MPP7: variants seen among roughly 807,000 people sequenced by gnomAD.
The protein encoded by MPP7 is MAGUK p55 subfamily member 7.
A neutral mutation model predicts 76.5 loss-of-function variants in MPP7; 60 were observed. The observed-to-expected ratio is 0.78, with a 90% confidence interval of 0.64 to 0.97. MPP7 has a LOEUF of 0.97. MPP7 is among the 50% of genes least tolerant of loss of function. MPP7 has a pLI of 0.00. For synonymous variants in MPP7, 237 were observed against 244.5 expected, an observed-to-expected ratio of 0.97 and a Z score of 0.29; for missense variants, 641 against 694.0, an observed-to-expected ratio of 0.92 and a Z score of 0.86.
Position 28,120,334 on chromosome 10 carries a change from A to C in MPP7, c.747T>G (p.Cys249Trp). The C allele has an allele frequency of 6.2e-7, 1 of 1,614,056 alleles. No homozygotes were observed. Among genetic ancestry groups the C allele is most frequent in the African/African-American group, 1.3e-5 (1 of 75,044 alleles). The change falls in exon 10 of 17, where the codon TGT becomes TGG. Residue 249 changes from cysteine (C) to tryptophan (W), a missense_variant. Physicochemically the swap from Cys to Trp is radical, Grantham distance 215. Coordinates refer to ENST00000683449, the MANE Select transcript of MPP7 (RefSeq NM_001318170.2). ...TTTTGAAAGAAAGCCCAGCTTCCTT[A>C]CATGGAATTGCCTTATCCTCATTAG... ...YNPNEDKAIP[C>W]KEAGLSFKKG...
intron 1 of MPP7, among the ~76,000 whole-genome samples, chr10:28,244,851 C>T (rs370683053): frequency 1.3e-5 from 2 of 152,130 alleles, no homozygotes; most frequent in South Asian, 4.1e-4. Context: ...ACAACCGCCC[C>T]TTCTCTGCAA....
intron 2 of MPP7, among the ~76,000 whole-genome samples, chr10:28,210,507 CA>C (rs1228280378): frequency 6.6e-6 from 1 of 151,986 alleles, no homozygotes; most frequent in East Asian, 1.9e-4. Flanking sequence ...AAGAGAAGGT[CA>C]AGATAGATTG....
chr10:28,208,572 C>T (rs906393712), intron 2 of MPP7, among the ~76,000 whole-genome samples: 1 of 151,988 alleles, frequency 6.6e-6, no homozygotes, highest in Admixed American at 6.6e-5. Flanking sequence ...TGTTAGAAAT[C>T]CTATGAAAGG....
At position 28,057,792 on chromosome 10, in the gene MPP7, C is replaced by T. The variant is rs1394549167; in HGVS notation, c.1407+703G>A. The T allele has an allele frequency of 3.9e-6, 5 of 1,286,948 alleles. No individual in the cohort carries two copies. In the Admixed American group the frequency reaches 1.2e-4, roughly 30 times the overall value. The allele number at this position is 1,286,948 out of a possible 1,614,324, so 79.7% of individuals were successfully genotyped here. ...AAAGGGCTTCCGCAGGTCATTCTAG[C>T]ATTTGGAGGTTTTGCACCCCAGGGT... is the stretch of plus-strand genomic sequence containing the variant. On this transcript the variant is annotated intron_variant, in intron 15 of 16. Transcript: ENST00000683449.
intron 1 of MPP7, among the ~76,000 whole-genome samples, chr10:28,241,562 G>A (rs1395164042): frequency 6.6e-6 from 1 of 152,068 alleles, no homozygotes; most frequent in Non-Finnish European, 1.5e-5. Flanking sequence ...AAAATGCTTT[G>A]GAATTTGTCG....
At chr10:28,302,642 G>GAGGCGGCCCCGCCCC (rs1355840841) in intron 1 of MPP7, among the ~76,000 whole-genome samples, 28 of 152,030 alleles carry the variant, frequency 1.8e-4, no homozygotes, top group African/African-American at 6.8e-4. Flanking sequence ...GGTCCCGCCC[G>GAGGCGGCCCCGCCCC]AGGCGGCCCC....
intron 2 of MPP7, among the ~76,000 whole-genome samples, chr10:28,210,339 A>AAC (rs796731195): frequency 1.6e-4 from 24 of 152,318 alleles, no homozygotes; most frequent in African/African-American, 5.8e-4. Context: ...GCACCAACCT[A>AAC]ATATATACCT....
chr10:28,075,998 C>G lies in MPP7; in HGVS notation c.1124-6146G>C, dbSNP rs182521634. On this transcript the variant is annotated intron_variant, in intron 12 of 16. Coordinates refer to ENST00000683449, the MANE Select transcript of MPP7 (RefSeq NM_001318170.2). ...GCAGGTGAAACTTTGTTGAATGAAC[C>G]AAAGGAGTGTGAGAGAAAGTTAAAA... Among the ~76,000 whole-genome samples the G allele has an allele frequency of 8.5e-5, 13 of 152,200 alleles. No homozygotes were observed. In the East Asian group the frequency reaches 2.5e-3, roughly 29 times the overall value.
At chr10:28,333,442 G>A (rs1032462120) in intron 1 of MPP7, among the ~76,000 whole-genome samples, 47 of 152,192 alleles carry the variant, frequency 3.1e-4, no homozygotes, top group Non-Finnish European at 5.4e-4. Flanking sequence ...ACTGCGCCTG[G>A]CCGCTATTCT....
At chr10:28,312,075 C>T (rs990933778) in intron 2 of MPP7, among the ~76,000 whole-genome samples, 3 of 152,052 alleles carry the variant, frequency 2.0e-5, no homozygotes, top group Admixed American at 6.5e-5. Context: ...GGCACGGACA[C>T]AAAGAGTGAG....
At chr10:28,310,764 G>A (rs1040422373) in intron 2 of MPP7, among the ~76,000 whole-genome samples, 1 of 152,094 alleles carries the variant, frequency 6.6e-6, no homozygotes, top group Non-Finnish European at 1.5e-5. Context: ...AGGACCCTCA[G>A]GTATTTTTGG....
chr10:28,181,921 T>C (rs1837071818), intron 3 of MPP7, among the ~76,000 whole-genome samples: 1 of 152,196 alleles, frequency 6.6e-6, no homozygotes. Context: ...CTCCGACTCA[T>C]ACATGCTTTC....
intron 3 of MPP7, among the ~76,000 whole-genome samples, chr10:28,173,312 C>A (rs545378925): frequency 3.3e-5 from 5 of 151,830 alleles, no homozygotes; most frequent in African/African-American, 1.2e-4. Context: ...TACGGATTAT[C>A]CATTATCACG....
At chr10:28,118,788 GGCTATAT>G (rs1172219568) in intron 11 of MPP7, 1 of 985,332 alleles carries the variant, frequency 1.0e-6, no homozygotes, top group South Asian at 4.7e-5. Context: ...GTGATTCCTG[GGCTATAT>G]GCTTCTGCAA....
chr10:28,283,033 T>C (rs976995725), intron 1 of MPP7, among the ~76,000 whole-genome samples: 15 of 152,030 alleles, frequency 9.9e-5, no homozygotes, highest in African/African-American at 3.6e-4. Flanking sequence ...TTCATAACAA[T>C]GTCATGCCTG....
intron 2 of MPP7, among the ~76,000 whole-genome samples, chr10:28,222,406 G>A (rs1405656882): frequency 6.6e-6 from 1 of 151,700 alleles, no homozygotes; most frequent in Non-Finnish European, 1.5e-5. Context: ...GATCACCTGG[G>A]CCTGGGAGTT....
chr10:28,276,176 G>A (rs1225766740), intron 1 of MPP7, among the ~76,000 whole-genome samples: 10 of 151,544 alleles, frequency 6.6e-5, no homozygotes, highest in South Asian at 2.1e-4. Flanking sequence ...GATTACAGGC[G>A]CCCACCACCA....
chr10:28,060,973 A>C (rs1055041340), intron 13 of MPP7, among the ~76,000 whole-genome samples: 2 of 152,228 alleles, frequency 1.3e-5, no homozygotes, highest in Admixed American at 1.3e-4. Flanking sequence ...CACAAGTCTT[A>C]GACTAATCCT....
At chr10:28,282,391 A>C (rs936574637) in intron 1 of MPP7, among the ~76,000 whole-genome samples, 2 of 152,072 alleles carry the variant, frequency 1.3e-5, no homozygotes, top group Non-Finnish European at 2.9e-5. Flanking sequence ...TTGGAGGAAG[A>C]GCGGTTAAAA....
Sources: gnomAD v4.1 joint callset for allele counts (sites outside exome capture counted in the v4.1 genomes callset) on GRCh38, gnomAD v4.1.1 for gene constraint, MANE v1.5 for transcripts, NCBI Gene and HGNC (gene_info 2026-07-23, HGNC 2026-07-21) for gene names.